Variants in SPAG1 observed in about 807,000 individuals in gnomAD.
SPAG1 encodes sperm-associated antigen 1.
SPAG1 carries 69 observed loss-of-function variants against 100.5 expected under a neutral mutation model. The ratio of observed to expected loss-of-function variants is 0.69; its 90% CI spans 0.57 to 0.84. The LOEUF (loss-of-function observed/expected upper bound fraction) is 0.84, where lower values mean the gene tolerates loss of function less well. SPAG1 is among the 40% of genes least tolerant of loss of function. The pLI, the probability that SPAG1 is intolerant of heterozygous loss-of-function variation, is 0.00. For missense variants in SPAG1, 955 were observed against 1,133.1 expected, an observed-to-expected ratio of 0.84 and a Z score of 2.26; for synonymous variants, 336 against 411.6, an observed-to-expected ratio of 0.82 and a Z score of 2.22.
chr8:100,209,426 C>CA lies in SPAG1; in HGVS notation c.1097-3651dup, dbSNP rs201085593. On this transcript the variant is annotated intron_variant, in intron 10 of 18. Transcript: ENST00000388798. Reference sequence around the variant, plus strand: ...ATATCATTAGAGTGAGACCCTGTCTCAAAAAAAAAAAAAGAAGAAGAAAAG... The same window carrying CA: ...ATATCATTAGAGTGAGACCCTGTCTCAAAAAAAAAAAAAAGAAGAAGAAAAG... Among the ~76,000 whole-genome samples the CA allele has an allele frequency of 3.2e-3, 409 of 126,664 alleles. 1 individual carries two copies. The highest frequency in any genetic ancestry group is 4.1e-3 in the African/African-American group (142 of 34,474). 83.1% of individuals were successfully genotyped at this position (126,664 alleles called of 152,430 possible). A position where few individuals can be genotyped will look rare whatever the true frequency, so the allele number is the denominator to read the frequency against.
intron 4 of SPAG1, among the ~76,000 whole-genome samples, chr8:100,181,203 TTTTA>T (rs944319339): frequency 3.9e-5 from 6 of 152,354 alleles, no homozygotes; most frequent in Non-Finnish European, 5.9e-5. Flanking sequence ...CACATTCTTT[TTTTA>T]TTTATTGAAA....
In SPAG1 at chr8:100,213,087, C is replaced by T; in HGVS notation, c.1097-3C>T. ...CTCACTTCCCGCATCCACTTCCTCA[C>T]AGAGCCCGCGGAGCCGGCGGGAGCC... On this transcript the variant is annotated splice_region_variant and splice_polypyrimidine_tract_variant and intron_variant, in intron 10 of 18. Coordinates refer to ENST00000388798, the MANE Select transcript of SPAG1 (RefSeq NM_003114.5). The T allele has an allele frequency of 2.7e-6, 4 of 1,467,122 alleles. No homozygotes were observed. Among genetic ancestry groups the T allele is most frequent in the Non-Finnish European group, 3.6e-6 (4 of 1,115,656 alleles). The allele number at this position is 1,467,122 out of a possible 1,614,324, so 90.9% of individuals were successfully genotyped here. A position where few individuals can be genotyped will look rare whatever the true frequency, so the allele number is the denominator to read the frequency against.
chr8:100,232,984 G>A (rs1818845629), intron 15 of SPAG1, among the ~76,000 whole-genome samples: 1 of 152,126 alleles, frequency 6.6e-6, no homozygotes, highest in South Asian at 2.1e-4. Context: ...ACCTCCATCT[G>A]AACTTTCTCA....
At chr8:100,208,987 G>C (rs915199846) in intron 10 of SPAG1, among the ~76,000 whole-genome samples, 1 of 152,158 alleles carries the variant, frequency 6.6e-6, no homozygotes, top group African/African-American at 2.4e-5. Flanking sequence ...GTGTCTGTGA[G>C]GGTGTTGCCA....
intron 1 of SPAG1, among the ~76,000 whole-genome samples, chr8:100,160,913 TA>T (rs1815279821): frequency 6.6e-6 from 1 of 152,176 alleles, no homozygotes; most frequent in Admixed American, 6.5e-5. Context: ...AAGTGAAGAT[TA>T]AGTGAGGTAA....
chr8:100,206,057 A>G (rs1407579516), intron 10 of SPAG1, among the ~76,000 whole-genome samples: 1 of 138,408 alleles, frequency 7.2e-6, no homozygotes. Flanking sequence ...AAAAAAAAAG[A>G]AAGATGCAGG....
chr8:100,227,887 C>T (rs1233218943), intron 14 of SPAG1, among the ~76,000 whole-genome samples: 6 of 118,052 alleles, frequency 5.1e-5, no homozygotes, highest in Admixed American at 2.3e-4. Context: ...TGCTCTGTTG[C>T]GCAGGCTGGG....
At chr8:100,229,900 A>G (rs965523818) in intron 14 of SPAG1, among the ~76,000 whole-genome samples, 2 of 152,200 alleles carry the variant, frequency 1.3e-5, no homozygotes, top group African/African-American at 4.8e-5. Context: ...CAGAGACTCC[A>G]GCTCTCCATC....
intron 10 of SPAG1, chr8:100,194,559 A>G (rs1248708523): frequency 1.4e-5 from 7 of 516,768 alleles, no homozygotes; most frequent in African/African-American, 1.2e-4. Flanking sequence ...TTGCCAGTTA[A>G]CTTTAAATAT....
At chr8:100,231,040 CT>C in intron 14 of SPAG1, 115 bp from the exon 15 acceptor site, 1 of 781,688 alleles carries the variant, frequency 1.3e-6, no homozygotes, top group Non-Finnish European at 1.9e-6. Flanking sequence ...GATTTTCACC[CT>C]GCATGCTGTG....
intron 1 of SPAG1, among the ~76,000 whole-genome samples, chr8:100,162,000 CA>C (rs1333434651): frequency 2.0e-5 from 3 of 152,158 alleles, no homozygotes; most frequent in African/African-American, 7.2e-5. Context: ...TATTGGGCCA[CA>C]AAACTAGCAG....
At chr8:100,235,420 G>A (rs1468206512) in intron 16 of SPAG1, among the ~76,000 whole-genome samples, 3 of 152,140 alleles carry the variant, frequency 2.0e-5, no homozygotes, top group Non-Finnish European at 4.4e-5. Context: ...TTATGGTAAA[G>A]TTGACATAGC....
At chr8:100,196,093 G>A (rs1362283911) in intron 10 of SPAG1, among the ~76,000 whole-genome samples, 2 of 152,174 alleles carry the variant, frequency 1.3e-5, no homozygotes, top group Non-Finnish European at 2.9e-5. Flanking sequence ...TCCATTAATA[G>A]TTGTACCAAA....
At position 100,220,394 on chromosome 8, in the gene SPAG1, G is replaced by T. The variant is rs746498105; in HGVS notation, c.1651G>T (p.Asp551Tyr). ...YVDYKTVLQI[D>Y]CGLQLANDSV... The stretch of plus-strand genomic sequence containing the variant: ...GGATTATAAAACAGTGTTGCAGATA[G>T]ACTGTGGACTCCAGCTAGCAAATGA... Residue 551 changes from aspartate (D) to tyrosine (Y), a missense_variant, in exon 13 of 19, where the codon GAC becomes TAC. Coordinates refer to ENST00000388798, the MANE Select transcript of SPAG1 (RefSeq NM_003114.5). 6.2e-7 allele frequency: 1 copy of T among 1,613,618 alleles called. No individual in the cohort carries two copies. Among genetic ancestry groups the T allele is most frequent in the Non-Finnish European group, 8.5e-7 (1 of 1,179,804 alleles).
chr8:100,180,114 T>G (rs559971177), intron 4 of SPAG1, among the ~76,000 whole-genome samples: 2 of 152,314 alleles, frequency 1.3e-5, no homozygotes, highest in Non-Finnish European at 2.9e-5. Flanking sequence ...GGTGGATCAC[T>G]TGAGCCCAGG....
chr8:100,204,544 CTTGG>C (rs1817426410), intron 10 of SPAG1, among the ~76,000 whole-genome samples: 1 of 151,688 alleles, frequency 6.6e-6, no homozygotes, highest in Non-Finnish European at 1.5e-5. Context: ...AGATTATTTG[CTTGG>C]TTAGCTGAAT....
chr8:100,178,422 A>C (rs888772724), intron 4 of SPAG1, among the ~76,000 whole-genome samples: 1 of 151,250 alleles, frequency 6.6e-6, no homozygotes, highest in Non-Finnish European at 1.5e-5. Flanking sequence ...TCTTATTCCC[A>C]TTTCTCTGTC....
At chr8:100,214,008 G>A in intron 12 of SPAG1, 90 bp downstream of exon 12, 1 of 682,762 alleles carries the variant, frequency 1.5e-6, no homozygotes. Context: ...TTCTGCCTAA[G>A]GATCTAATTT....
In SPAG1 at chr8:100,206,830, G is replaced by A. The variant is rs569056322; in HGVS notation, c.1097-6260G>A. Among the ~76,000 whole-genome samples the A allele has an allele frequency of 2.1e-4, 32 of 152,276 alleles. 1 individual carries two copies. In the South Asian group the frequency reaches 6.4e-3, roughly 31 times the overall value. ...CCATTTATCGAGTGACCTGAAAGGC[G>A]GCTGATTTTGAGCAGGGTCCAGAAC... On this transcript the variant is annotated intron_variant, in intron 10 of 18. Coordinates refer to ENST00000388798, the MANE Select transcript of SPAG1 (RefSeq NM_003114.5).
Sources: gnomAD v4.1 joint callset for allele counts (sites outside exome capture counted in the v4.1 genomes callset) on GRCh38, gnomAD v4.1.1 for gene constraint, MANE v1.5 for transcripts, NCBI Gene and HGNC (gene_info 2026-07-23, HGNC 2026-07-21) for gene names.